DCTN5: variants seen among roughly 807,000 people sequenced by gnomAD.
DCTN5 encodes the protein dynactin subunit 5, also known as dynactin 4.
In DCTN5, 14 loss-of-function variants were observed where a neutral mutation model predicts 23.5. The observed-to-expected ratio is 0.60, with a 90% confidence interval of 0.39 to 0.93. The LOEUF (loss-of-function observed/expected upper bound fraction) is 0.93. DCTN5 is among the 40% of genes least tolerant of loss of function. The pLI is 0.00. For missense variants in DCTN5, 156 were observed against 225.9 expected, an observed-to-expected ratio of 0.69 and a Z score of 1.98; for synonymous variants, 67 against 79.6, an observed-to-expected ratio of 0.84 and a Z score of 0.84.
intron 2 of DCTN5, among the ~76,000 whole-genome samples, chr16:23,647,455 G>A (rs1366299776): frequency 6.7e-6 from 1 of 149,526 alleles, no homozygotes; most frequent in Admixed American, 6.7e-5. Flanking sequence ...TTCCATGTTT[G>A]TTCTTTTATA....
At position 23,658,552 on chromosome 16, in the gene DCTN5, G is replaced by A. The variant is rs766881770; in HGVS notation, c.163G>A (p.Val55Ile). The A allele has an allele frequency of 3.7e-6, 6 of 1,614,120 alleles. No homozygotes were observed. The highest frequency in any genetic ancestry group is 3.3e-5 in the Admixed American group (2 of 60,006). ...TATTATCCGAGGGGATCTGGCAAATGTAAGAGTTGGACGTCATTGTGTTGT... is the reference window on the plus strand; with the variant it reads ...TATTATCCGAGGGGATCTGGCAAATATAAGAGTTGGACGTCATTGTGTTGT... ...DCIIRGDLAN[V>I]RVGRHCVVKS... Residue 55 changes from valine (V) to isoleucine (I), a missense_variant, in exon 3 of 6, where the codon GTA becomes ATA. This residue lies in a region of DCTN5 where 153 missense variants were observed against 206.8 expected (regional missense o/e 0.74). Transcript: ENST00000300087.
At chr16:23,645,546 A>C (rs1967439967) in intron 2 of DCTN5, among the ~76,000 whole-genome samples, 1 of 152,198 alleles carries the variant, frequency 6.6e-6, no homozygotes, top group African/African-American at 2.4e-5. Context: ...CACATTAAGG[A>C]ATACACGCCC....
At chr16:23,652,313 A>G (rs1967620387) in intron 2 of DCTN5, among the ~76,000 whole-genome samples, 1 of 152,130 alleles carries the variant, frequency 6.6e-6, no homozygotes, top group South Asian at 2.1e-4. Context: ...ACAACTGCCT[A>G]TTGATCATCC....
In DCTN5 at chr16:23,658,524, C is replaced by A. The variant is rs1567232310; in HGVS notation, c.135C>A (p.Asp45Glu). Residue 45 changes from aspartate to glutamate, a missense_variant, in exon 3 of 6, where the codon GAC becomes GAA. By Grantham distance (45) the Asp-to-Glu change is conservative. Around this residue, in one of 2 missense-constraint regions of DCTN5, gnomAD observed 153 missense variants for 206.8 expected, o/e 0.74. Coordinates refer to ENST00000300087, the MANE Select transcript of DCTN5 (RefSeq NM_032486.4). Reference sequence around the variant, plus strand: ...TCTTACAGACCATTGTGATGAATGACTGTATTATCCGAGGGGATCTGGCAA... The same window carrying A: ...TCTTACAGACCATTGTGATGAATGAATGTATTATCCGAGGGGATCTGGCAA... ...VLNGKTIVMN[D>E]CIIRGDLANV... 16 of 1,613,848 alleles carry A rather than the reference C, an allele frequency of 9.9e-6. No individual in the cohort carries two copies. Among genetic ancestry groups the A allele is most frequent in the Non-Finnish European group, 1.2e-5 (14 of 1,179,896 alleles).
chr16:23,658,471 T>A, intron 2 of DCTN5, 36 bp from the exon 3 acceptor site: 6 of 1,399,304 alleles, frequency 4.3e-6, no homozygotes, highest in Non-Finnish European at 6.1e-6. Context: ...TCTTAGGCTA[T>A]GTTGCTAATT....
intron 1 of DCTN5, among the ~76,000 whole-genome samples, 200 bp downstream of exon 1, chr16:23,641,790 C>G (rs943378485): frequency 6.6e-6 from 1 of 152,044 alleles, no homozygotes; most frequent in Non-Finnish European, 1.5e-5. Context: ...TGTATTTATT[C>G]CTGATTTTCT....
chr16:23,665,710 G>A lies in DCTN5; in HGVS notation c.433G>A (p.Val145Ile). 6.2e-7 allele frequency: 1 copy of A among 1,613,930 alleles called. No homozygotes were observed. Among genetic ancestry groups the A allele is most frequent in the Non-Finnish European group, 8.5e-7 (1 of 1,179,936 alleles). Residue 145 changes from valine to isoleucine, a missense_variant, in exon 5 of 6, where the codon GTC becomes ATC. Val to Ile is a conservative substitution (Grantham distance 29). This residue lies in a region of DCTN5 where 153 missense variants were observed against 206.8 expected (regional missense o/e 0.74). Coordinates refer to ENST00000300087, the MANE Select transcript of DCTN5 (RefSeq NM_032486.4). ...AGAAACTGTGGTTCCACCATTCACT[G>A]TCTTCTCAGGCTGCCCAGGTAACCT... Reference protein sequence around the residue: ...PPETVVPPFTVFSGCPGLFSG... With the variant: ...PPETVVPPFTIFSGCPGLFSG...
At chr16:23,660,982 A>G (rs181161121) in intron 3 of DCTN5, among the ~76,000 whole-genome samples, 188 bp from the exon 4 acceptor site, 2 of 152,202 alleles carry the variant, frequency 1.3e-5, no homozygotes, top group African/African-American at 4.8e-5. Context: ...TACTATTGCA[A>G]TTTTGAACTA....
In DCTN5 at chr16:23,650,967, G is replaced by A. The variant is rs370038297; in HGVS notation, c.118-7540G>A. ...GTGGCAACAATCAGCTTTCCAGAGC[G>A]TCTGATTCTTTTTCAAAAGCAACTG... On this transcript the variant is annotated intron_variant, in intron 2 of 5. Coordinates refer to ENST00000300087, the MANE Select transcript of DCTN5 (RefSeq NM_032486.4). 1.3e-4 allele frequency: 180 copies of A among 1,393,782 alleles called. 3 individuals carry two copies. The East Asian group carries it at 2.1e-3, about 16-fold the overall frequency. 86.3% of individuals were successfully genotyped at this position (1,393,782 alleles called of 1,614,324 possible).
At chr16:23,650,267 A>T (rs1364317370) in intron 2 of DCTN5, among the ~76,000 whole-genome samples, 1 of 152,118 alleles carries the variant, frequency 6.6e-6, no homozygotes, top group Non-Finnish European at 1.5e-5. Context: ...TTGAGTCTGT[A>T]GACTGCTTTG....
chr16:23,648,934 T>C (rs540844902), intron 2 of DCTN5, among the ~76,000 whole-genome samples: 48 of 152,250 alleles, frequency 3.2e-4, no homozygotes, highest in African/African-American at 1.1e-3. Context: ...GTCAGCTCAC[T>C]GCAACCTCTG....
chr16:23,654,909 T>A (rs1967672548), intron 2 of DCTN5, among the ~76,000 whole-genome samples: 1 of 152,188 alleles, frequency 6.6e-6, no homozygotes, highest in South Asian at 2.1e-4. Flanking sequence ...GTTCCATCCA[T>A]GTTGCTGCAA....
intron 4 of DCTN5, among the ~76,000 whole-genome samples, chr16:23,661,587 G>T (rs990751577): frequency 2.6e-5 from 4 of 152,004 alleles, no homozygotes; most frequent in African/African-American, 9.7e-5. Flanking sequence ...GCATGGTGGC[G>T]CATGCCTGTA....
chr16:23,665,415 C>T (rs1049599343), intron 4 of DCTN5, among the ~76,000 whole-genome samples: 3 of 152,182 alleles, frequency 2.0e-5, no homozygotes, highest in Admixed American at 1.3e-4. Context: ...CTGCCTCTAG[C>T]ATACAGCCTT....
chr16:23,666,142 G>C (rs988811128), intron 5 of DCTN5: 4 of 169,878 alleles, frequency 2.4e-5, no homozygotes, highest in Admixed American at 2.3e-4. Context: ...AAACAAATCT[G>C]CTGCCAACAC....
chr16:23,650,837 G>C, intron 2 of DCTN5: 3 of 1,470,974 alleles, frequency 2.0e-6, no homozygotes, highest in South Asian at 2.4e-5. Flanking sequence ...AGATGAGTCA[G>C]TAAGACTGAG....
chr16:23,644,428 GT>G (rs1486888720), intron 2 of DCTN5, among the ~76,000 whole-genome samples: 5 of 151,210 alleles, frequency 3.3e-5, no homozygotes, highest in Non-Finnish European at 7.4e-5. Flanking sequence ...AGCCTCCTGA[GT>G]AGCTAGGACT....
chr16:23,646,445 C>T (rs918295496), intron 2 of DCTN5, among the ~76,000 whole-genome samples: 1 of 151,974 alleles, frequency 6.6e-6, no homozygotes, highest in Non-Finnish European at 1.5e-5. Context: ...GTTTTTTCTT[C>T]TGTTGCTTGT....
chr16:23,662,862 G>A (rs1489409378), intron 4 of DCTN5, among the ~76,000 whole-genome samples: 1 of 152,202 alleles, frequency 6.6e-6, no homozygotes, highest in Admixed American at 6.5e-5. Context: ...ATGTCTGAAA[G>A]GTTGAATCCA....
Sources: allele counts gnomAD v4.1 joint callset (sites outside exome capture counted in the v4.1 genomes callset), GRCh38; gene constraint gnomAD v4.1.1; regional missense constraint gnomAD v4.1.1; transcripts MANE v1.5; gene names NCBI Gene and HGNC (gene_info 2026-07-23, HGNC 2026-07-21).